Variants in IRAG1 observed in about 807,000 individuals in gnomAD.
IRAG1 encodes IP3R-associated cGMP kinase substrate.
A neutral mutation model predicts 106.2 loss-of-function variants in IRAG1; 62 were observed. The ratio of observed to expected loss-of-function variants is 0.58; its 90% CI spans 0.48 to 0.72. IRAG1 has a LOEUF of 0.72. Ranked by LOEUF, IRAG1 falls within the 30% of genes least tolerant of loss-of-function variation. IRAG1 has a pLI of 0.00. For missense variants in IRAG1, 1,064 were observed against 1,140.7 expected, an observed-to-expected ratio of 0.93 and a Z score of 0.97; for synonymous variants, 462 against 443.9, an observed-to-expected ratio of 1.04 and a Z score of -0.51.
At position 10,600,945 on chromosome 11, in the gene IRAG1, T is replaced by G. The variant is rs750764691; in HGVS notation, c.1990A>C (p.Asn664His). 2.5e-6 allele frequency: 4 copies of G among 1,613,958 alleles called. No individual in the cohort carries two copies. The African/African-American group carries it at 5.3e-5, about 22-fold the overall frequency. The change falls in exon 15 of 21, where the codon AAT becomes CAT. Residue 664 changes from asparagine (N) to histidine (H), a missense_variant. By Grantham distance (68) the Asn-to-His change is moderately conservative. Transcript: ENST00000423302. ...GAGGGGCCACAGCTGCGGCTTGAAT[T>G]CTGATTTGCAAGCTTTTTAAACTCC... Reference protein sequence around the residue: ...LMEFKKLANQNSSRSCGPSED... With the variant: ...LMEFKKLANQHSSRSCGPSED...
At chr11:10,626,659 A>C (rs997745910) in intron 8 of IRAG1, 76 bp from the exon 9 acceptor site, 3 of 1,468,686 alleles carry the variant, frequency 2.0e-6, no homozygotes, top group African/African-American at 1.4e-5. Context: ...TCTGCTGTGG[A>C]GTCTCTGCCC....
intron 17 of IRAG1, 92 bp downstream of exon 17, chr11:10,593,400 C>A: frequency 1.0e-6 from 1 of 978,828 alleles, no homozygotes; most frequent in Non-Finnish European, 1.5e-6. Context: ...TGACCCTGCC[C>A]CCATTTGGTC....
intron 14 of IRAG1, among the ~76,000 whole-genome samples, 197 bp downstream of exon 14, chr11:10,602,923 C>T (rs901353122): frequency 6.6e-6 from 1 of 152,152 alleles, no homozygotes; most frequent in Non-Finnish European, 1.5e-5. Context: ...TCCACAGAAA[C>T]CTTTTTCCAC....
intron 10 of IRAG1, among the ~76,000 whole-genome samples, chr11:10,613,921 C>T (rs533301977): frequency 6.6e-6 from 1 of 152,202 alleles, no homozygotes; most frequent in South Asian, 2.1e-4. Context: ...AAATACAAAC[C>T]AGCCAATCCA....
intron 1 of IRAG1, among the ~76,000 whole-genome samples, chr11:10,685,642 G>A (rs186452721): frequency 2.4e-4 from 36 of 151,268 alleles, no homozygotes; most frequent in African/African-American, 8.7e-4. Flanking sequence ...GATCACTTGA[G>A]CCAGGGAGGT....
intron 2 of IRAG1, among the ~76,000 whole-genome samples, chr11:10,638,651 A>T (rs1261087264): frequency 6.6e-6 from 1 of 152,232 alleles, no homozygotes; most frequent in African/African-American, 2.4e-5. Flanking sequence ...AACAAGAAGA[A>T]ATGCATTTTG....
intron 18 of IRAG1, 150 bp from the exon 19 acceptor site, chr11:10,582,136 T>G (rs1415498590): frequency 1.3e-5 from 13 of 1,010,336 alleles, no homozygotes; most frequent in African/African-American, 3.3e-5. Flanking sequence ...CCTTCTACCC[T>G]GAGACAAGAT....
chr11:10,633,101 G>T (rs1328708593), intron 3 of IRAG1, among the ~76,000 whole-genome samples: 1 of 134,512 alleles, frequency 7.4e-6, no homozygotes, highest in East Asian at 2.2e-4. Flanking sequence ...TTGAGACGGA[G>T]TCTCGCACTG....
chr11:10,580,062 A>G (rs1851234713), intron 20 of IRAG1, among the ~76,000 whole-genome samples: 1 of 152,136 alleles, frequency 6.6e-6, no homozygotes, highest in Non-Finnish European at 1.5e-5. Context: ...GCTTCGAGTC[A>G]ACTCTCTTTG....
At chr11:10,654,768 G>A (rs79726598) in intron 1 of IRAG1, among the ~76,000 whole-genome samples, 3,112 of 152,302 alleles carry the variant, frequency 0.02, 105 homozygotes, top group African/African-American at 0.071. Flanking sequence ...GAGCTGAGCC[G>A]TGAACACAAA....
At chr11:10,667,376 T>C (rs1309970115) in intron 1 of IRAG1, among the ~76,000 whole-genome samples, 2 of 152,166 alleles carry the variant, frequency 1.3e-5, no homozygotes, top group African/African-American at 4.8e-5. Flanking sequence ...TGGTTGGGAC[T>C]GGTTGGGAGC....
intron 1 of IRAG1, chr11:10,690,199 G>A: frequency 3.0e-6 from 1 of 338,616 alleles, no homozygotes; most frequent in Non-Finnish European, 5.6e-6. Flanking sequence ...AGACCAGCCT[G>A]GGCAACATGA....
intron 1 of IRAG1, among the ~76,000 whole-genome samples, chr11:10,653,013 G>A (rs1261631846): frequency 6.6e-6 from 1 of 152,128 alleles, no homozygotes; most frequent in Non-Finnish European, 1.5e-5. Context: ...TGGGGTCCCA[G>A]TGCTGATTGG....
intron 15 of IRAG1, among the ~76,000 whole-genome samples, chr11:10,594,874 T>C (rs1266996275): frequency 6.6e-6 from 1 of 152,220 alleles, no homozygotes; most frequent in Non-Finnish European, 1.5e-5. Flanking sequence ...CATATCCATA[T>C]ATTTTTGGTG....
In IRAG1 at chr11:10,625,962, C is replaced by T; in HGVS notation, c.1368+4G>A. On this transcript the variant is annotated splice_donor_region_variant and intron_variant, in intron 9 of 20. Transcript: ENST00000423302. ...CTCTGCCCAACTGGCCCCCAGGAAC[C>T]CACCTCTCGGAGCTTGGTCAGTTTC... 1.4e-6 allele frequency: 2 copies of T among 1,467,962 alleles called. No individual in the cohort carries two copies. The highest frequency in any genetic ancestry group is 2.5e-5 in the Admixed American group (1 of 39,674). 90.9% of individuals were successfully genotyped at this position (1,467,962 alleles called of 1,614,324 possible).
At chr11:10,692,001 A>G (rs887138522) in intron 1 of IRAG1, among the ~76,000 whole-genome samples, 2 of 152,208 alleles carry the variant, frequency 1.3e-5, no homozygotes, top group African/African-American at 2.4e-5. Flanking sequence ...TGTTCAATAC[A>G]TAGTAAGAAC....
chr11:10,616,513 C>T (rs1490712792), intron 10 of IRAG1, among the ~76,000 whole-genome samples: 1 of 151,498 alleles, frequency 6.6e-6, no homozygotes. Context: ...AAACTCATAC[C>T]AAAGCAAAAA....
At chr11:10,688,084 T>C (rs1184410981) in intron 1 of IRAG1, among the ~76,000 whole-genome samples, 1 of 150,644 alleles carries the variant, frequency 6.6e-6, no homozygotes, top group Non-Finnish European at 1.5e-5. Context: ...GATGCAAATA[T>C]TCCAAAGGCC....
At chr11:10,670,130 T>C (rs1180190229) in intron 1 of IRAG1, among the ~76,000 whole-genome samples, 1 of 152,238 alleles carries the variant, frequency 6.6e-6, no homozygotes, top group African/African-American at 2.4e-5. Flanking sequence ...AGTAGCTACA[T>C]CTTGAGCTTC....
Sources: allele counts gnomAD v4.1 joint callset (sites outside exome capture counted in the v4.1 genomes callset), GRCh38; gene constraint gnomAD v4.1.1; transcripts MANE v1.5; gene names NCBI Gene and HGNC (gene_info 2026-07-23, HGNC 2026-07-21).